The following NETO1 variants were observed in gnomAD, a reference collection of about 807,000 sequenced individuals.
The protein encoded by NETO1 is neuropilin and tolloid-like protein 1.
Under a neutral mutation model 61.3 loss-of-function variants are expected in NETO1, and 26 were observed. The ratio of observed to expected loss-of-function variants is 0.42; its 90% CI spans 0.31 to 0.59. The LOEUF is 0.59. Among genes scored for constraint, NETO1 ranks in the 20% least tolerant of loss-of-function variants. NETO1 has a pLI of 0.12. For synonymous variants in NETO1, 225 were observed against 225.8 expected, an observed-to-expected ratio of 1.00 and a Z score of 0.03; for missense variants, 531 against 662.8, an observed-to-expected ratio of 0.80 and a Z score of 2.18.
chr18:72,775,974 A>G (rs2071533655), intron 7 of NETO1, among the ~76,000 whole-genome samples: 2 of 152,186 alleles, frequency 1.3e-5, no homozygotes, highest in South Asian at 2.1e-4. Flanking sequence ...ATATTAGGAT[A>G]TTATCAAATA....
intron 4 of NETO1, among the ~76,000 whole-genome samples, chr18:72,853,090 C>T (rs948539847): frequency 6.6e-6 from 1 of 152,118 alleles, no homozygotes; most frequent in Non-Finnish European, 1.5e-5. Context: ...CCGCCTCAGC[C>T]TCCCAAAGTG....
chr18:72,754,425 C>A (rs2070721092), intron 8 of NETO1, among the ~76,000 whole-genome samples: 1 of 151,984 alleles, frequency 6.6e-6, no homozygotes, highest in Non-Finnish European at 1.5e-5. Flanking sequence ...CAAATATAGA[C>A]TGTCTACAAA....
chr18:72,855,786 C>T (rs554491790), intron 4 of NETO1, among the ~76,000 whole-genome samples: 2 of 152,308 alleles, frequency 1.3e-5, no homozygotes, highest in African/African-American at 4.8e-5. Context: ...GACACTGGGA[C>T]CCATGGCTGT....
chr18:72,825,759 T>C (rs1046073254), intron 4 of NETO1, among the ~76,000 whole-genome samples: 3 of 152,178 alleles, frequency 2.0e-5, no homozygotes, highest in Admixed American at 1.3e-4. Flanking sequence ...TATTTTGTCA[T>C]GTTTATCTTG....
At chr18:72,800,973 C>T (rs2072487005) in intron 4 of NETO1, among the ~76,000 whole-genome samples, 1 of 152,182 alleles carries the variant, frequency 6.6e-6, no homozygotes, top group Admixed American at 6.6e-5. Flanking sequence ...ACAAACCTGT[C>T]TTTCTTTTTC....
At chr18:72,842,703 CA>C (rs2073972256) in intron 4 of NETO1, among the ~76,000 whole-genome samples, 2 of 152,150 alleles carry the variant, frequency 1.3e-5, no homozygotes, top group Admixed American at 6.5e-5. Flanking sequence ...GATAGCTCAA[CA>C]TGTAAAAATC....
intron 3 of NETO1, among the ~76,000 whole-genome samples, chr18:72,863,044 C>T (rs899765373): frequency 6.6e-6 from 1 of 152,096 alleles, no homozygotes; most frequent in Non-Finnish European, 1.5e-5. Flanking sequence ...ATGTTCTTTT[C>T]CTTCAGTTGC....
chr18:72,774,886 A>G (rs74896253), intron 7 of NETO1, among the ~76,000 whole-genome samples: 4,320 of 152,328 alleles, frequency 0.028, 190 homozygotes, highest in African/African-American at 0.099. Context: ...AGTGCCATTT[A>G]GCTTATTACT....
chr18:72,749,635 C>T (rs1457562047), intron 9 of NETO1, among the ~76,000 whole-genome samples: 1 of 151,910 alleles, frequency 6.6e-6, no homozygotes, highest in Non-Finnish European at 1.5e-5. Flanking sequence ...TAAAATTGTC[C>T]ATCAAGATGG....
chr18:72,847,544 C>T (rs936774118), intron 4 of NETO1, among the ~76,000 whole-genome samples: 1 of 152,142 alleles, frequency 6.6e-6, no homozygotes, highest in Non-Finnish European at 1.5e-5. Context: ...CACCACTGTC[C>T]CATGCACATC....
chr18:72,802,669 A>G (rs938868376), intron 4 of NETO1, among the ~76,000 whole-genome samples: 11 of 152,336 alleles, frequency 7.2e-5, no homozygotes, highest in Admixed American at 3.3e-4. Flanking sequence ...ATTGATTGAC[A>G]TTTGCATTGA....
intron 4 of NETO1, among the ~76,000 whole-genome samples, chr18:72,833,252 T>C (rs1283049085): frequency 7.9e-5 from 12 of 152,230 alleles, no homozygotes; most frequent in Admixed American, 7.8e-4. Context: ...GTTTGAGTCA[T>C]AGATATTTCT....
chr18:72,839,375 T>C (rs1421712999), intron 4 of NETO1, among the ~76,000 whole-genome samples: 1 of 152,222 alleles, frequency 6.6e-6, no homozygotes, highest in Non-Finnish European at 1.5e-5. Flanking sequence ...CGATACAATT[T>C]TGTTTTGAAA....
intron 7 of NETO1, among the ~76,000 whole-genome samples, chr18:72,759,905 C>T (rs1456584844): frequency 6.6e-6 from 1 of 152,150 alleles, no homozygotes; most frequent in Non-Finnish European, 1.5e-5. Flanking sequence ...ATCCAAATGC[C>T]AAGTACCTCA....
chr18:72,825,008 A>G (rs1354683781), intron 4 of NETO1, among the ~76,000 whole-genome samples: 1 of 152,258 alleles, frequency 6.6e-6, no homozygotes, highest in Non-Finnish European at 1.5e-5. Context: ...AAATAAAACA[A>G]GAAATCTACA....
At chr18:72,811,092 T>C (rs1182485503) in intron 4 of NETO1, among the ~76,000 whole-genome samples, 2 of 152,188 alleles carry the variant, frequency 1.3e-5, no homozygotes, top group African/African-American at 2.4e-5. Flanking sequence ...ATATCCGCCA[T>C]GGTGTTCTTT....
At chr18:72,839,696 G>A (rs1002855584) in intron 4 of NETO1, among the ~76,000 whole-genome samples, 1 of 152,188 alleles carries the variant, frequency 6.6e-6, no homozygotes, top group Admixed American at 6.5e-5. Flanking sequence ...CTAAGGTATA[G>A]ATAGAGTGTA....
At chr18:72,773,554 C>G (rs2071446697) in intron 7 of NETO1, among the ~76,000 whole-genome samples, 1 of 152,156 alleles carries the variant, frequency 6.6e-6, no homozygotes, top group South Asian at 2.1e-4. Flanking sequence ...AGCGCAGGAA[C>G]AGGTGGAGGT....
At chr18:72,803,809 G>A (rs1421133160) in intron 4 of NETO1, among the ~76,000 whole-genome samples, 7 of 150,686 alleles carry the variant, frequency 4.6e-5, no homozygotes, top group African/African-American at 7.3e-5. Flanking sequence ...CAACAAGAGC[G>A]GAACTCCGTA....
Sources: gnomAD v4.1 joint callset for allele counts (sites outside exome capture counted in the v4.1 genomes callset) on GRCh38, gnomAD v4.1.1 for gene constraint, MANE v1.5 for transcripts, NCBI Gene and HGNC (gene_info 2026-07-23, HGNC 2026-07-21) for gene names.